The following NRXN3 variants were observed in gnomAD, a reference collection of about 807,000 sequenced individuals.
NRXN3 encodes neurexin III.
In NRXN3, 32 loss-of-function variants were observed where a neutral mutation model predicts 137.6. The observed-to-expected ratio is 0.23, with a 90% CI of 0.18 to 0.31. The LOEUF (loss-of-function observed/expected upper bound fraction) is 0.31, where lower values mean the gene tolerates loss of function less well. Ranked by LOEUF, NRXN3 falls within the 10% of genes least tolerant of loss-of-function variation. The pLI, the probability that NRXN3 is intolerant of heterozygous loss-of-function variation, is 1.00. For missense variants in NRXN3, 1,574 were observed against 2,062.5 expected (o/e 0.76, Z 4.59); for synonymous variants, 798 against 784.5 (o/e 1.02, Z -0.29).
intron 15 of NRXN3, among the ~76,000 whole-genome samples, chr14:79,274,876 A>C (rs2080030687): frequency 6.6e-6 from 1 of 152,202 alleles, no homozygotes; most frequent in Non-Finnish European, 1.5e-5. Context: ...GTTTATTAGA[A>C]GGATAAGTTA....
At chr14:78,926,618 T>G (rs1199016977) in intron 10 of NRXN3, among the ~76,000 whole-genome samples, 6 of 110,810 alleles carry the variant, frequency 5.4e-5, no homozygotes, top group African/African-American at 1.9e-4. Flanking sequence ...ATATATAATG[T>G]ATATTTATAT....
intron 4 of NRXN3, among the ~76,000 whole-genome samples, chr14:78,366,830 T>C (rs1350240526): frequency 1.3e-5 from 2 of 152,200 alleles, no homozygotes; most frequent in Non-Finnish European, 2.9e-5. Context: ...AGAGTTACAA[T>C]TCAATATGAG....
intron 19 of NRXN3, among the ~76,000 whole-genome samples, chr14:79,725,273 C>T (rs1407590298): frequency 6.6e-6 from 1 of 152,130 alleles, no homozygotes; most frequent in African/African-American, 2.4e-5. Context: ...TGACAATTTC[C>T]ATTTTGCAAA....
At position 79,520,046 on chromosome 14, in the gene NRXN3, G is replaced by C. The variant is rs142389604; in HGVS notation, c.3444+52644G>C. Among the ~76,000 whole-genome samples, 324 of 151,822 alleles carry C rather than the reference G, an allele frequency of 2.1e-3. 1 individual carries two copies. Among genetic ancestry groups the C allele is most frequent in the African/African-American group, 7.4e-3 (307 of 41,482 alleles). On this transcript the variant is annotated intron_variant, in intron 16 of 20. Coordinates refer to ENST00000335750, the MANE Select transcript of NRXN3 (RefSeq NM_001330195.2). ...TCTTCAGATAACTCTTAAGTTTTCTGTTTTTTGAATGTTATTTTTATTTCA... is the reference window on the plus strand; with the variant it reads ...TCTTCAGATAACTCTTAAGTTTTCTCTTTTTTGAATGTTATTTTTATTTCA...
chr14:78,615,221 C>G (rs2097335964), intron 4 of NRXN3, among the ~76,000 whole-genome samples: 1 of 152,138 alleles, frequency 6.6e-6, no homozygotes, highest in African/African-American at 2.4e-5. Context: ...ATAGGCCAAG[C>G]AGCTACTTTT....
chr14:79,372,549 T>C (rs1017587074), intron 15 of NRXN3, among the ~76,000 whole-genome samples: 4 of 152,162 alleles, frequency 2.6e-5, no homozygotes, highest in Non-Finnish European at 1.5e-5. Context: ...GACTGTGCTT[T>C]AGACTGTTGT....
intron 20 of NRXN3, among the ~76,000 whole-genome samples, chr14:79,819,251 G>A (rs1280048700): frequency 6.6e-6 from 1 of 152,144 alleles, no homozygotes; most frequent in Non-Finnish European, 1.5e-5. Context: ...TAAATGAGCA[G>A]GGCTGTGTTT....
Position 79,386,379 on chromosome 14 carries a change from G to A in NRXN3, c.3263-80842G>A, listed in dbSNP as rs181481943. Among the ~76,000 whole-genome samples the A allele has an allele frequency of 7.7e-3, 1,168 of 152,134 alleles. 4 individuals carry two copies. Among genetic ancestry groups the A allele is most frequent in the South Asian group, 0.017 (81 of 4,810 alleles). ...GCTTCAAAGAGAATAAAATACCTAG[G>A]AATCCAACTTACAAGGGATGTGAAG... On this transcript the variant is annotated intron_variant, in intron 15 of 20. Transcript: ENST00000335750.
At chr14:78,934,133 G>A (rs2099329116) in intron 10 of NRXN3, among the ~76,000 whole-genome samples, 1 of 149,550 alleles carries the variant, frequency 6.7e-6, no homozygotes. Context: ...GAACACAGGA[G>A]GGCACCAGAG....
intron 4 of NRXN3, among the ~76,000 whole-genome samples, chr14:78,560,661 T>C (rs930582523): frequency 6.6e-6 from 1 of 152,160 alleles, no homozygotes; most frequent in African/African-American, 2.4e-5. Flanking sequence ...GAAGCTGAAG[T>C]GCAGGCTCTG....
chr14:79,279,724 C>A, intron 15 of NRXN3: 1 of 987,054 alleles, frequency 1.0e-6, no homozygotes, highest in Non-Finnish European at 1.2e-6. Context: ...GCGGAGACTC[C>A]CAGGAACACC....
intron 15 of NRXN3, among the ~76,000 whole-genome samples, chr14:79,213,867 C>T (rs1156866391): frequency 2.0e-5 from 3 of 152,142 alleles, no homozygotes; most frequent in Admixed American, 6.6e-5. Context: ...AGTGTTCACA[C>T]GACCAGGTAG....
intron 10 of NRXN3, among the ~76,000 whole-genome samples, chr14:78,951,884 C>T (rs2099387827): frequency 6.6e-6 from 1 of 152,116 alleles, no homozygotes; most frequent in African/African-American, 2.4e-5. Context: ...GAGGATGAGG[C>T]ACGGAGAAAG....
intron 4 of NRXN3, among the ~76,000 whole-genome samples, chr14:78,438,957 T>C (rs1054382580): frequency 6.7e-5 from 10 of 149,982 alleles, no homozygotes; most frequent in Non-Finnish European, 1.2e-4. Context: ...ACCAGTAGAG[T>C]AATGGGGGAT....
chr14:79,663,212 T>C (rs766376755), intron 16 of NRXN3, among the ~76,000 whole-genome samples: 13 of 151,894 alleles, frequency 8.6e-5, no homozygotes, highest in Non-Finnish European at 1.8e-4. Context: ...GGTTTGGAAC[T>C]GCAGAACCAT....
At chr14:78,757,840 G>A in intron 8 of NRXN3, among the ~76,000 whole-genome samples, 1 of 152,148 alleles carries the variant, frequency 6.6e-6, no homozygotes, top group Admixed American at 6.5e-5. Flanking sequence ...TTGGGTGAAG[G>A]GCATATGGGA....
intron 4 of NRXN3, among the ~76,000 whole-genome samples, chr14:78,540,628 A>G (rs1464657692): frequency 6.6e-6 from 1 of 152,098 alleles, no homozygotes; most frequent in Admixed American, 6.6e-5. Flanking sequence ...TTTAAGGGTA[A>G]TATTGTTATG....
At chr14:79,828,054 A>G (rs2099310811) in intron 20 of NRXN3, among the ~76,000 whole-genome samples, 1 of 152,156 alleles carries the variant, frequency 6.6e-6, no homozygotes, top group Admixed American at 6.5e-5. Context: ...AAGCCACAAG[A>G]GATCCACCTT....
chr14:78,387,698 T>G (rs890450518), intron 4 of NRXN3, among the ~76,000 whole-genome samples: 1 of 152,188 alleles, frequency 6.6e-6, no homozygotes, highest in African/African-American at 2.4e-5. Flanking sequence ...CCGTATTCCT[T>G]TCCCTCCCTA....
Sources: allele counts gnomAD v4.1 joint callset (sites outside exome capture counted in the v4.1 genomes callset), GRCh38; gene constraint gnomAD v4.1.1; transcripts MANE v1.5; gene names NCBI Gene and HGNC (gene_info 2026-07-23, HGNC 2026-07-21).